Variants in NXPE2 observed in about 807,000 individuals in gnomAD.
NXPE2 encodes neurexophilin and PC-esterase domain family member 2.
NXPE2 carries 34 observed loss-of-function variants against 34.4 expected under a neutral mutation model. That is an observed-to-expected ratio of 0.99 (90% CI 0.75 to 1.31). NXPE2 has a LOEUF of 1.31. Ranked by LOEUF, NXPE2 falls within the 40% of genes most tolerant of loss-of-function variation. The probability of loss-of-function intolerance (pLI) is 0.00; values close to 1 mark genes in which losing one functional copy is unlikely to be tolerated. For missense variants in NXPE2, 649 were observed against 672.5 expected (o/e 0.97, Z 0.39); for synonymous variants, 235 against 231.3 (o/e 1.02, Z -0.15).
the NXPE2 span, chr11:114,550,981 A>G: frequency 3.3e-6 from 2 of 610,774 alleles, no homozygotes; most frequent in Non-Finnish European, 5.8e-6. Context: ...GAGAGAGAGA[A>G]GATAGGGCAG....
chr11:114,629,020 G>C, the NXPE2 span, among the ~76,000 whole-genome samples: 2 of 152,020 alleles, frequency 1.3e-5, no homozygotes, highest in Non-Finnish European at 2.9e-5. Flanking sequence ...TGAAATTGTG[G>C]CAATAATCAA....
chr11:114,727,097 A>G, the NXPE2 span, among the ~76,000 whole-genome samples: 97 of 152,042 alleles, frequency 6.4e-4, no homozygotes, highest in Non-Finnish European at 2.4e-4. Context: ...CCACTTCCAC[A>G]TTTTTGGGTG....
intron 4 of NXPE2, among the ~76,000 whole-genome samples, 169 bp from the exon 5 acceptor site, chr11:114,705,612 C>G (rs960247793): frequency 6.6e-6 from 1 of 152,124 alleles, no homozygotes; most frequent in East Asian, 1.9e-4. Flanking sequence ...TTAATTCACC[C>G]TTTTAACATG....
the NXPE2 span, among the ~76,000 whole-genome samples, chr11:114,755,761 TC>T: frequency 6.6e-6 from 1 of 151,908 alleles, no homozygotes; most frequent in East Asian, 1.9e-4. Flanking sequence ...TCTCTCTCTC[TC>T]TTTCTCCTAT....
the NXPE2 span, among the ~76,000 whole-genome samples, chr11:114,662,352 C>T: frequency 2.0e-5 from 3 of 152,130 alleles, no homozygotes; most frequent in Non-Finnish European, 4.4e-5. Flanking sequence ...TTAAACCAGC[C>T]CTAGCCAGAG....
the NXPE2 span, among the ~76,000 whole-genome samples, chr11:114,470,702 T>G: frequency 1.3e-5 from 2 of 151,874 alleles, no homozygotes; most frequent in African/African-American, 4.8e-5. Context: ...TAGGGCACAC[T>G]GGCCACTGGA....
the NXPE2 span, among the ~76,000 whole-genome samples, chr11:114,783,056 A>C: frequency 6.6e-6 from 1 of 150,842 alleles, no homozygotes; most frequent in Admixed American, 6.7e-5. Context: ...CTAAAGCTAT[A>C]TGAGAAGTAT....
the NXPE2 span, among the ~76,000 whole-genome samples, chr11:114,519,968 T>TCGCCTCCCGGGTTCACGCTATTTTCC: frequency 8.5e-6 from 1 of 117,234 alleles, no homozygotes; most frequent in African/African-American, 4.5e-5. Context: ...CTCGGCGAGC[T>TCGCCTCCCGGGTTCACGCTATTTTCC]TGCCCGCTAA....
the NXPE2 span, among the ~76,000 whole-genome samples, chr11:114,716,861 C>A: frequency 6.6e-6 from 1 of 152,064 alleles, no homozygotes; most frequent in African/African-American, 2.4e-5. Flanking sequence ...TGACAAAGAA[C>A]ACTGTCTGTG....
chr11:114,719,081 A>G, the NXPE2 span, among the ~76,000 whole-genome samples: 1 of 152,114 alleles, frequency 6.6e-6, no homozygotes. Context: ...CCACTGTAAG[A>G]TCTGTTCCTT....
chr11:114,588,253 C>A, the NXPE2 span, among the ~76,000 whole-genome samples: 111 of 152,284 alleles, frequency 7.3e-4, no homozygotes, highest in African/African-American at 2.6e-3. Flanking sequence ...CCCCACTCCC[C>A]TAGCTTCACT....
chr11:114,678,340 C>A (rs1950881694), upstream of NXPE2: 2 of 413,736 alleles, frequency 4.8e-6, no homozygotes, highest in East Asian at 8.0e-5. Flanking sequence ...TCTCTAAAAA[C>A]AAACTTCAGA....
chr11:114,731,300 G>A, the NXPE2 span, among the ~76,000 whole-genome samples: 2 of 152,178 alleles, frequency 1.3e-5, no homozygotes, highest in African/African-American at 2.4e-5. Context: ...GTATGTTCTG[G>A]AAAACAGTTT....
chr11:114,678,394 G>T (rs999843385), upstream of NXPE2: 1 of 535,236 alleles, frequency 1.9e-6, no homozygotes, highest in Non-Finnish European at 3.4e-6. Flanking sequence ...GTGTGGGTTG[G>T]GCAGGAACAG....
chr11:114,687,993 A>G (rs565254020), intron 2 of NXPE2, among the ~76,000 whole-genome samples: 7 of 152,074 alleles, frequency 4.6e-5, no homozygotes, highest in Non-Finnish European at 7.4e-5. Context: ...GTCTTTTGGC[A>G]TTACCTTTAA....
the NXPE2 span, among the ~76,000 whole-genome samples, chr11:114,736,741 T>G: frequency 6.6e-6 from 1 of 152,190 alleles, no homozygotes; most frequent in African/African-American, 2.4e-5. Context: ...TAAGTGTCCA[T>G]GAAATCTTCA....
chr11:114,609,415 C>G, the NXPE2 span, among the ~76,000 whole-genome samples: 1 of 151,662 alleles, frequency 6.6e-6, no homozygotes, highest in Non-Finnish European at 1.5e-5. Flanking sequence ...CACTGTTACC[C>G]TGTGGATAAT....
chr11:114,796,355 A>C, the NXPE2 span, among the ~76,000 whole-genome samples: 1 of 152,174 alleles, frequency 6.6e-6, no homozygotes, highest in East Asian at 1.9e-4. Flanking sequence ...CCAAGTTTTA[A>C]TTTCAAATAT....
At chr11:114,646,446 A>G in the NXPE2 span, among the ~76,000 whole-genome samples, 1 of 151,996 alleles carries the variant, frequency 6.6e-6, no homozygotes, top group African/African-American at 2.4e-5. Context: ...TTATGAAAAC[A>G]TTCTTGTATT....
Sources: gnomAD v4.1 joint callset for allele counts (sites outside exome capture counted in the v4.1 genomes callset) on GRCh38, gnomAD v4.1.1 for gene constraint, MANE v1.5 for transcripts, NCBI Gene and HGNC (gene_info 2026-07-23, HGNC 2026-07-21) for gene names.